Variants in FAM13B observed in about 807,000 individuals in gnomAD.
FAM13B encodes family with sequence similarity 13 member B.
FAM13B carries 60 observed loss-of-function variants against 117.3 expected under a neutral mutation model. The ratio of observed to expected loss-of-function variants is 0.51; its 90% CI spans 0.42 to 0.63. The LOEUF (loss-of-function observed/expected upper bound fraction) is 0.63. Ranked by LOEUF, FAM13B falls within the 30% of genes least tolerant of loss-of-function variation. FAM13B has a pLI of 0.00. For synonymous variants in FAM13B, 332 were observed against 356.1 expected (o/e 0.93, Z 0.76); for missense variants, 972 against 1,091.9 (o/e 0.89, Z 1.55).
intron 17 of FAM13B, among the ~76,000 whole-genome samples, chr5:137,951,492 A>G (rs1246603091): frequency 3.3e-5 from 5 of 151,840 alleles, no homozygotes; most frequent in Admixed American, 3.3e-4. Context: ...CCCCAACTCT[A>G]TACAAAATTT....
chr5:137,964,655 A>T (rs533698434), intron 10 of FAM13B, among the ~76,000 whole-genome samples: 1 of 152,124 alleles, frequency 6.6e-6, no homozygotes, highest in East Asian at 2.0e-4. Context: ...CAGGAAGCAA[A>T]GGCTGCAGTG....
intron 7 of FAM13B, among the ~76,000 whole-genome samples, chr5:137,994,614 T>C (rs1441138797): frequency 2.0e-5 from 3 of 152,244 alleles, no homozygotes; most frequent in South Asian, 4.1e-4. Context: ...ATAGGTACTA[T>C]AGGCAGATGC....
chr5:137,993,602 G>A (rs868510476), intron 7 of FAM13B, among the ~76,000 whole-genome samples: 7 of 151,622 alleles, frequency 4.6e-5, no homozygotes, highest in African/African-American at 1.5e-4. Flanking sequence ...CCTACAAGAT[G>A]AAACCTCGTA....
chr5:137,940,308 ACTC>A lies in FAM13B; in HGVS notation c.2728_2730del (p.Glu910del). ...GCTTTAATTTTCTTGTACTCTCTGTACTCCTCAAGCACTGGAACACGATCCTCT... is the reference window on the plus strand; with the variant it reads ...GCTTTAATTTTCTTGTACTCTCTGTACTCAAGCACTGGAACACGATCCTCT... On this transcript the variant is annotated inframe_deletion, in exon 24 of 24. Transcript: ENST00000689681. The A allele has an allele frequency of 6.2e-7, 1 of 1,609,448 alleles. No individual in the cohort carries two copies. The highest frequency in any genetic ancestry group is 1.1e-5 in the South Asian group (1 of 90,978).
chr5:138,050,362 G>A (rs1287079569), intron 1 of FAM13B, among the ~76,000 whole-genome samples: 2 of 152,106 alleles, frequency 1.3e-5, no homozygotes, highest in East Asian at 1.9e-4. Flanking sequence ...CCTTGAACCC[G>A]GGAGGCGGAG....
chr5:138,020,000 A>C (rs1786282866), intron 2 of FAM13B: 1 of 980,522 alleles, frequency 1.0e-6, no homozygotes, highest in African/African-American at 1.8e-5. Context: ...TTTATAAAAA[A>C]GAAATTTTTC....
chr5:137,962,859 G>A (rs1420721084), intron 10 of FAM13B, among the ~76,000 whole-genome samples: 2 of 152,018 alleles, frequency 1.3e-5, no homozygotes, highest in Admixed American at 6.6e-5. Flanking sequence ...AGTCATAGAG[G>A]AGTTCACTAG....
intron 2 of FAM13B, 60 bp from the exon 3 acceptor site, chr5:138,019,206 G>A: frequency 1.4e-6 from 2 of 1,459,478 alleles, no homozygotes; most frequent in Non-Finnish European, 9.3e-7. Context: ...AATATGACTA[G>A]ATACATTAAA....
Position 138,014,874 on chromosome 5 carries a change from A to C in FAM13B, c.371-2929T>G, listed in dbSNP as rs192602029. Among the ~76,000 whole-genome samples, 83 of 152,352 alleles carry C rather than the reference A, an allele frequency of 5.4e-4. 1 individual carries two copies. Among genetic ancestry groups the C allele is most frequent in the African/African-American group, 1.9e-3 (81 of 41,594 alleles). On this transcript the variant is annotated intron_variant, in intron 4 of 23. Transcript: ENST00000689681. ...ACATTAAATATATACATACTTGCTTAAATTTCTTTCCTTTGGAGTCTAATT... is the reference window on the plus strand; with the variant it reads ...ACATTAAATATATACATACTTGCTTCAATTTCTTTCCTTTGGAGTCTAATT...
At chr5:138,043,951 C>T (rs538624994) in intron 1 of FAM13B, among the ~76,000 whole-genome samples, 7 of 151,992 alleles carry the variant, frequency 4.6e-5, no homozygotes, top group Non-Finnish European at 8.8e-5. Context: ...AAGTGTCTCA[C>T]TCCATCTCCC....
At chr5:137,951,634 C>T (rs1765065539) in intron 17 of FAM13B, among the ~76,000 whole-genome samples, 2 of 151,844 alleles carry the variant, frequency 1.3e-5, no homozygotes, top group South Asian at 2.1e-4. Context: ...ACTTCAACCT[C>T]GATGACAGAG....
At chr5:137,995,880 C>T (rs1779738726) in intron 7 of FAM13B, among the ~76,000 whole-genome samples, 1 of 152,128 alleles carries the variant, frequency 6.6e-6, no homozygotes, top group African/African-American at 2.4e-5. Flanking sequence ...CCTCATGACC[C>T]AGAGCATAAA....
intron 11 of FAM13B, 71 bp from the exon 12 acceptor site, chr5:137,960,285 A>G: frequency 1.2e-6 from 1 of 861,788 alleles, no homozygotes. Flanking sequence ...TTTCTTACCT[A>G]GATTCCTCTA....
Position 137,973,678 on chromosome 5 carries a change from T to C in FAM13B, c.1180-11209A>G, listed in dbSNP as rs1270779278. Reference sequence around the variant, plus strand: ...CAGAGTGAACAGGCAACCTACAGAATGGGAGAAAATTTTCACAACCTACTC... The same window carrying C: ...CAGAGTGAACAGGCAACCTACAGAACGGGAGAAAATTTTCACAACCTACTC... On this transcript the variant is annotated intron_variant, in intron 10 of 23. Transcript: ENST00000689681. 4.0e-5 allele frequency among the ~76,000 whole-genome samples: 6 copies of C among 151,396 alleles called. No individual in the cohort carries two copies. The East Asian group carries it at 1.2e-3, about 29-fold the overall frequency.
Position 138,021,020 on chromosome 5 carries a change from T to C in FAM13B, c.-36+11A>G. The C allele has an allele frequency of 2.4e-6, 3 of 1,230,730 alleles. No homozygotes were observed. The South Asian group carries it at 1.2e-4, about 51-fold the overall frequency. The allele number at this position is 1,230,730 out of a possible 1,614,324, so 76.2% of individuals were successfully genotyped here. ...ATAGAGCACGAGATAGTTACCATTT[T>C]GAAAACTTACCTTTCAGTACTTAAA... On this transcript the variant is annotated intron_variant, in intron 2 of 23. Coordinates refer to ENST00000689681, the MANE Select transcript of FAM13B (RefSeq NM_001385994.1).
chr5:138,034,825 A>G (rs918614935), upstream of FAM13B, among the ~76,000 whole-genome samples: 1 of 152,042 alleles, frequency 6.6e-6, no homozygotes. Flanking sequence ...CAAAAGCTTT[A>G]TCATAAGTGC....
chr5:137,999,846 C>T (rs1176056235), intron 7 of FAM13B, among the ~76,000 whole-genome samples: 2 of 152,076 alleles, frequency 1.3e-5, no homozygotes, highest in Non-Finnish European at 2.9e-5. Context: ...TTCTCTCAGG[C>T]TTTTTATAAG....
intron 6 of FAM13B, among the ~76,000 whole-genome samples, chr5:138,009,602 C>T (rs1478300391): frequency 5.3e-5 from 8 of 151,864 alleles, no homozygotes; most frequent in Non-Finnish European, 7.4e-5. Flanking sequence ...GCCTGGAGTT[C>T]GAGACGAGTC....
At chr5:137,956,759 G>T (rs575239184) in intron 13 of FAM13B, among the ~76,000 whole-genome samples, 1 of 150,708 alleles carries the variant, frequency 6.6e-6, no homozygotes, top group East Asian at 1.9e-4. Context: ...TGCAAAAAAG[G>T]GGGGGGAAAA....
Sources: allele counts gnomAD v4.1 joint callset (sites outside exome capture counted in the v4.1 genomes callset), GRCh38; gene constraint gnomAD v4.1.1; transcripts MANE v1.5; gene names NCBI Gene and HGNC (gene_info 2026-07-23, HGNC 2026-07-21).